The following DPP6 variants were observed in gnomAD, a reference collection of about 807,000 sequenced individuals.
DPP6 encodes the protein dipeptidyl peptidase like 6.
A neutral mutation model predicts 122.6 loss-of-function variants in DPP6; 69 were observed. The observed-to-expected ratio is 0.56, with a 90% confidence interval of 0.46 to 0.69. The LOEUF (loss-of-function observed/expected upper bound fraction) is 0.69. DPP6 is among the 30% of genes least tolerant of loss of function. The pLI, the probability that DPP6 is intolerant of heterozygous loss-of-function variation, is 0.00. For missense variants in DPP6, 928 were observed against 1,116.9 expected (o/e 0.83, Z 2.41); for synonymous variants, 418 against 433.1 (o/e 0.97, Z 0.43).
chr7:153,800,270 A>C, the DPP6 span, among the ~76,000 whole-genome samples: 1 of 152,234 alleles, frequency 6.6e-6, no homozygotes, highest in South Asian at 2.1e-4. Flanking sequence ...TGTCATTTCC[A>C]GAAACACACA....
At chr7:154,272,947 C>T (rs1803888186) in intron 1 of DPP6, among the ~76,000 whole-genome samples, 1 of 152,210 alleles carries the variant, frequency 6.6e-6, no homozygotes, top group African/African-American at 2.4e-5. Flanking sequence ...ACAGCTTTCC[C>T]CAACCCAGAA....
the DPP6 span, among the ~76,000 whole-genome samples, chr7:153,875,723 A>G: frequency 6.6e-6 from 1 of 152,006 alleles, no homozygotes; most frequent in Non-Finnish European, 1.5e-5. Flanking sequence ...AATTTGAAGA[A>G]GATTTATCAA....
chr7:154,391,495 G>C (rs1394597550), intron 1 of DPP6, among the ~76,000 whole-genome samples: 1 of 152,158 alleles, frequency 6.6e-6, no homozygotes, highest in African/African-American at 2.4e-5. Context: ...AATTCAGCTC[G>C]TCTTAAACTG....
chr7:154,421,864 A>G (rs1033844610), intron 1 of DPP6, among the ~76,000 whole-genome samples: 3 of 151,996 alleles, frequency 2.0e-5, no homozygotes, highest in African/African-American at 7.3e-5. Flanking sequence ...CCCAGTGCCC[A>G]GCATGTTGTA....
chr7:154,238,358 A>G (rs1801355206), intron 1 of DPP6, among the ~76,000 whole-genome samples: 1 of 152,218 alleles, frequency 6.6e-6, no homozygotes, highest in African/African-American at 2.4e-5. Flanking sequence ...AAAGAGTAAG[A>G]TGTATTCTGA....
At chr7:153,867,131 G>A in the DPP6 span, among the ~76,000 whole-genome samples, 171 of 152,194 alleles carry the variant, frequency 1.1e-3, 1 homozygote, top group South Asian at 2.9e-3. Context: ...TTGGCAATGC[G>A]GGCTCTTTTT....
At chr7:153,924,008 AC>A (rs1007587876) in intron 1 of DPP6, among the ~76,000 whole-genome samples, 2 of 152,158 alleles carry the variant, frequency 1.3e-5, no homozygotes, top group African/African-American at 4.8e-5. Context: ...CCATGAACAT[AC>A]GTGTCTACAG....
chr7:154,021,147 G>A (rs539995846), intron 1 of DPP6, among the ~76,000 whole-genome samples: 4 of 152,254 alleles, frequency 2.6e-5, no homozygotes, highest in Admixed American at 2.0e-4. Context: ...CGGTGCCAAC[G>A]CTTACATTGC....
intron 7 of DPP6, among the ~76,000 whole-genome samples, chr7:154,722,430 T>C (rs3807264): frequency 1.3e-5 from 2 of 152,358 alleles, no homozygotes; most frequent in East Asian, 3.9e-4. Context: ...CCCTGAATCA[T>C]GGGACCTCAA....
chr7:154,885,582 G>A (rs1046704874), intron 21 of DPP6, 51 bp from the exon 22 acceptor site: 12 of 1,545,262 alleles, frequency 7.8e-6, no homozygotes, highest in Admixed American at 2.0e-5. Flanking sequence ...GCTGCTTCAT[G>A]CTGAGTTACT....
chr7:154,792,449 G>A (rs1797741704), intron 10 of DPP6, among the ~76,000 whole-genome samples: 1 of 152,244 alleles, frequency 6.6e-6, no homozygotes, highest in South Asian at 2.1e-4. Flanking sequence ...AAGGACAAAA[G>A]TGACATATAT....
intron 1 of DPP6, among the ~76,000 whole-genome samples, chr7:154,162,812 T>G (rs1463652319): frequency 6.6e-6 from 1 of 152,190 alleles, no homozygotes; most frequent in Non-Finnish European, 1.5e-5. Context: ...TTGCTGGTGT[T>G]GAGTGGAACT....
the DPP6 span, among the ~76,000 whole-genome samples, chr7:153,782,967 G>T: frequency 6.6e-6 from 1 of 152,162 alleles, no homozygotes; most frequent in Admixed American, 6.5e-5. Context: ...CTGCTGCCTG[G>T]CTCTGAGGTA....
chr7:153,826,958 T>A, the DPP6 span, among the ~76,000 whole-genome samples: 3 of 151,558 alleles, frequency 2.0e-5, no homozygotes, highest in Non-Finnish European at 4.4e-5. Context: ...ATGTGTAAGC[T>A]AAACGTATTT....
At chr7:154,659,284 CT>C (rs1297875673) in intron 6 of DPP6, among the ~76,000 whole-genome samples, 1 of 152,180 alleles carries the variant, frequency 6.6e-6, no homozygotes, top group African/African-American at 2.4e-5. Context: ...GTCCCAATAT[CT>C]GACATATTAC....
At chr7:153,976,849 G>A (rs1021951760) in intron 1 of DPP6, among the ~76,000 whole-genome samples, 6 of 152,182 alleles carry the variant, frequency 3.9e-5, no homozygotes, top group African/African-American at 7.2e-5. Flanking sequence ...AGAGATGGAA[G>A]GGACATCGGG....
chr7:153,843,278 GCGCACA>G, the DPP6 span, among the ~76,000 whole-genome samples: 11 of 147,574 alleles, frequency 7.5e-5, no homozygotes, highest in East Asian at 3.9e-4. Context: ...GCATGCGCGC[GCGCACA>G]CACACACACA....
chr7:154,398,390 C>A (rs1815277191), intron 1 of DPP6, among the ~76,000 whole-genome samples: 1 of 152,122 alleles, frequency 6.6e-6, no homozygotes, highest in Non-Finnish European at 1.5e-5. Context: ...ATCACACTGC[C>A]AGATTTACCT....
intron 1 of DPP6, among the ~76,000 whole-genome samples, chr7:154,147,179 C>G (rs1219826695): frequency 0.062 from 9,306 of 150,064 alleles, no homozygotes; most frequent in African/African-American, 0.21. Context: ...CAAAATAACA[C>G]AGGATTGGTC....
Sources: allele counts gnomAD v4.1 joint callset (sites outside exome capture counted in the v4.1 genomes callset), GRCh38; gene constraint gnomAD v4.1.1; transcripts MANE v1.5; gene names NCBI Gene and HGNC (gene_info 2026-07-23, HGNC 2026-07-21).